Variants in PHF12 observed in about 807,000 individuals in gnomAD.
PHF12 encodes PHD finger protein 12, also known as PHD factor 1.
Under a neutral mutation model 99.8 loss-of-function variants are expected in PHF12, and 6 were observed. The observed-to-expected ratio is 0.06, with a 90% CI of 0.03 to 0.12. PHF12 has a LOEUF of 0.12. Among genes scored for constraint, PHF12 ranks in the 10% least tolerant of loss-of-function variants. PHF12 has a pLI of 1.00. For missense variants in PHF12, 954 were observed against 1,300.1 expected (o/e 0.73, Z 4.09); for synonymous variants, 480 against 514.9 (o/e 0.93, Z 0.92).
At position 28,924,277 on chromosome 17, in the gene PHF12, C is replaced by T; in HGVS notation, c.347G>A (p.Gly116Asp). 1 of 1,614,188 alleles carries T rather than the reference C, an allele frequency of 6.2e-7. No individual in the cohort carries two copies. The highest frequency in any genetic ancestry group is 8.5e-7 in the Non-Finnish European group (1 of 1,180,034). Residue 116 changes from glycine to aspartate, a missense_variant, in exon 4 of 15, where the codon GGT (glycine) becomes GAT (aspartate). This residue lies in a region of PHF12 where 109 missense variants were observed against 145.4 expected (regional missense o/e 0.75). Coordinates refer to ENST00000332830, the MANE Select transcript of PHF12 (RefSeq NM_001033561.2). ...TTTGTCCACCAGTCCATTGACATGA[C>T]CCAGCTCCTTTTTCTGCTCTCGTTT... ...RKKREQKKELGHVNGLVDKSG... is the reference protein window; with the variant it reads ...RKKREQKKELDHVNGLVDKSG...
intron 2 of PHF12, among the ~76,000 whole-genome samples, chr17:28,943,519 AC>A (rs2040660083): frequency 6.6e-6 from 1 of 151,844 alleles, no homozygotes; most frequent in Non-Finnish European, 1.5e-5. Context: ...AATCCCAGCT[AC>A]CCGGGAGGCT....
At chr17:28,934,598 T>G (rs1310161491) in intron 2 of PHF12, among the ~76,000 whole-genome samples, 1 of 151,286 alleles carries the variant, frequency 6.6e-6, no homozygotes, top group African/African-American at 2.4e-5. Flanking sequence ...TTTCTTTCTT[T>G]TTTTCTTTTC....
chr17:28,914,941 CAG>C (rs1348331466), intron 7 of PHF12, among the ~76,000 whole-genome samples: 1 of 152,100 alleles, frequency 6.6e-6, no homozygotes, highest in African/African-American at 2.4e-5. Flanking sequence ...TCTAGAGATC[CAG>C]AGATGAATAA....
At position 28,906,800 on chromosome 17, in the gene PHF12, G is replaced by A; in HGVS notation, c.2680+56C>T. On this transcript the variant is annotated intron_variant, in intron 14 of 14. Transcript: ENST00000332830. This position sits in a 1 kb window ranked among gnomAD's most constrained non-coding sequence, Gnocchi z 4.2. ...GAGACAGACCATGGGCAGCAAGTCA[G>A]AACCACCCTGACTGGGGCCTCAGCT... The A allele has an allele frequency of 6.5e-7, 1 of 1,548,662 alleles. No individual in the cohort carries two copies. Among genetic ancestry groups the A allele is most frequent in the Non-Finnish European group, 8.7e-7 (1 of 1,144,342 alleles).
chr17:28,909,782 G>A (rs781767782), intron 11 of PHF12: 1 of 428,090 alleles, frequency 2.3e-6, no homozygotes, highest in African/African-American at 2.0e-5. Flanking sequence ...GTAGAGATAG[G>A]GTCTCACTGT....
At chr17:28,941,042 T>G (rs1362495032) in intron 2 of PHF12, among the ~76,000 whole-genome samples, 3 of 150,378 alleles carry the variant, frequency 2.0e-5, no homozygotes, top group Non-Finnish European at 4.4e-5. Flanking sequence ...AAACAGACTT[T>G]TTTTTTTTTT....
chr17:28,906,284 G>A lies in PHF12; in HGVS notation c.2914C>T (p.Pro972Ser). 1.9e-6 allele frequency: 3 copies of A among 1,614,200 alleles called. No homozygotes were observed. Among genetic ancestry groups the A allele is most frequent in the Non-Finnish European group, 2.5e-6 (3 of 1,180,016 alleles). ...FSITEFATKQ[P>S]KGDASLLQDG... ...TGCAGCAGGCTGGCATCGCCTTTGGGCTGTTTGGTCGCAAACTCAGTGATG... is the reference window on the plus strand; with the variant it reads ...TGCAGCAGGCTGGCATCGCCTTTGGACTGTTTGGTCGCAAACTCAGTGATG... The change falls in exon 15 of 15, where the codon CCC (proline) becomes TCC (serine). Residue 972 changes from proline to serine, a missense_variant. This residue lies in a region of PHF12 where 136 missense variants were observed against 172.3 expected (regional missense o/e 0.79). Transcript: ENST00000332830. This position sits in a 1 kb window ranked among gnomAD's most constrained non-coding sequence, Gnocchi z 4.2.
At chr17:28,910,957 C>A (rs946368134) in intron 10 of PHF12, 155 bp downstream of exon 10, 8 of 1,042,884 alleles carry the variant, frequency 7.7e-6, no homozygotes, top group Non-Finnish European at 1.1e-5. Context: ...TTCACCCCGC[C>A]CCCCCATCCA....
At chr17:28,942,208 G>A (rs1362783184) in intron 2 of PHF12, among the ~76,000 whole-genome samples, 3 of 152,266 alleles carry the variant, frequency 2.0e-5, no homozygotes, top group African/African-American at 7.2e-5. Context: ...GCTAATATAG[G>A]CATAGATATT....
intron 2 of PHF12, among the ~76,000 whole-genome samples, chr17:28,937,999 CTG>C (rs1284748824): frequency 6.6e-6 from 1 of 152,180 alleles, no homozygotes; most frequent in African/African-American, 2.4e-5. Flanking sequence ...ACTGCCAACT[CTG>C]TATTCTGGAA....
intron 2 of PHF12, among the ~76,000 whole-genome samples, chr17:28,931,993 A>G (rs2040419982): frequency 6.6e-6 from 1 of 152,210 alleles, no homozygotes; most frequent in Non-Finnish European, 1.5e-5. Context: ...TAGGAAAGAA[A>G]GGTCTTAGAA....
At chr17:28,932,160 C>T (rs1348145997) in intron 2 of PHF12, among the ~76,000 whole-genome samples, 1 of 152,048 alleles carries the variant, frequency 6.6e-6, no homozygotes, top group Non-Finnish European at 1.5e-5. Context: ...GAGGCAGGGT[C>T]TCACTCTGTC....
chr17:28,912,377 A>C, intron 9 of PHF12, 105 bp downstream of exon 9: 5 of 1,453,614 alleles, frequency 3.4e-6, no homozygotes, highest in Non-Finnish European at 4.5e-6. Context: ...TACAAAGGCC[A>C]AAGTCCTCTG....
At position 28,913,014 on chromosome 17, in the gene PHF12, G is replaced by A. The variant is rs1404374110; in HGVS notation, c.1557C>T (p.Asp519=). The change falls in exon 9 of 15, where the codon GAC becomes GAT. Residue 519 remains aspartate, a synonymous_variant. Transcript: ENST00000332830. ...SPPHQSPALE[D]IGCSSCAEKS... is the part of the protein sequence containing the mutation. ...TTTCCGCACAAGAACTGCAGCCGAT[G>A]TCCTCTAGGGCTGGGGACTGGTGGG... 1 of 1,614,242 alleles carries A rather than the reference G, an allele frequency of 6.2e-7. No homozygotes were observed. The highest frequency in any genetic ancestry group is 8.5e-7 in the Non-Finnish European group (1 of 1,180,044).
In PHF12 at chr17:28,906,896, G is replaced by A. The variant is rs573786447; in HGVS notation, c.2640C>T (p.Thr880=). Residue 880 remains threonine (T), a synonymous_variant, in exon 14 of 15, where the codon ACC becomes ACT. Transcript: ENST00000332830. This position sits in a 1 kb window ranked among gnomAD's most constrained non-coding sequence, Gnocchi z 4.2. ...SCDFSEKTPP[T]PPSSIVAKVQ... ...CTTTGGCAACAATACTGCTTGGGGG[G>A]GTTGGCGGGGTCTTCTCCGAGAAGT... 15 of 1,612,502 alleles carry A rather than the reference G, an allele frequency of 9.3e-6. No homozygotes were observed. In the South Asian group the frequency reaches 1.4e-4, roughly 15 times the overall value.
intron 11 of PHF12, chr17:28,909,798 C>G: frequency 2.0e-6 from 1 of 494,620 alleles, no homozygotes; most frequent in East Asian, 3.7e-5. Flanking sequence ...ACTGTGTTGC[C>G]CAGGCTGGTC....
At chr17:28,918,062 A>G (rs979674379) in intron 6 of PHF12, among the ~76,000 whole-genome samples, 2 of 152,232 alleles carry the variant, frequency 1.3e-5, no homozygotes, top group African/African-American at 4.8e-5. Context: ...AAAAGAAAGA[A>G]GAGTTTCTGC....
At chr17:28,942,992 A>G (rs1458833169) in intron 2 of PHF12, among the ~76,000 whole-genome samples, 2 of 152,150 alleles carry the variant, frequency 1.3e-5, no homozygotes, top group Admixed American at 1.3e-4. Context: ...ACTCAATTAA[A>G]AATAGACAAA....
In PHF12 at chr17:28,951,388, G is replaced by A. The variant is rs2040811459; in HGVS notation, c.-428C>T. 1 of 986,564 alleles carries A rather than the reference G, an allele frequency of 1.0e-6. No homozygotes were observed. Among genetic ancestry groups the A allele is most frequent in the Non-Finnish European group, 1.2e-6 (1 of 829,922 alleles). 61.1% of individuals were successfully genotyped at this position (986,564 alleles called of 1,614,324 possible). ...GTGAGGTGACTGGGGGGAGGGTGAT[G>A]GGGGGTGGTCCCCGGGCTCCGCCTC... On this transcript the variant is annotated 5_prime_UTR_variant, in exon 1 of 15. Coordinates refer to ENST00000332830, the MANE Select transcript of PHF12 (RefSeq NM_001033561.2).
Sources: allele counts gnomAD v4.1 joint callset (sites outside exome capture counted in the v4.1 genomes callset), GRCh38; gene constraint gnomAD v4.1.1; regional missense constraint gnomAD v4.1.1; non-coding constraint Gnocchi (gnomAD v3.1); transcripts MANE v1.5; gene names NCBI Gene and HGNC (gene_info 2026-07-23, HGNC 2026-07-21).